PRKX: variants seen among roughly 807,000 people sequenced by gnomAD.
PRKX encodes the protein cAMP-dependent protein kinase catalytic subunit PRKX.
In PRKX, 12 loss-of-function variants were observed where a neutral mutation model predicts 22.0. The observed-to-expected ratio is 0.54, with a 90% CI of 0.35 to 0.88. The LOEUF (loss-of-function observed/expected upper bound fraction) is 0.88. Ranked by LOEUF, PRKX falls within the 40% of genes least tolerant of loss-of-function variation. The pLI, the probability that PRKX is intolerant of heterozygous loss-of-function variation, is 0.01. For missense variants in PRKX, 217 were observed against 308.0 expected (o/e 0.70, Z 2.21); for synonymous variants, 134 against 137.7 (o/e 0.97, Z 0.19).
chrX:3,685,645 C>T (rs1928163360), intron 1 of PRKX, among the ~76,000 whole-genome samples: 1 of 111,236 alleles, frequency 9.0e-6, no homozygotes, highest in African/African-American at 3.3e-5. Flanking sequence ...TTGGCAAGGA[C>T]TCCTCCCAGT....
Position 3,644,649 on chromosome X carries a change from C to T in PRKX, c.600-2678G>A, listed in dbSNP as rs149129332. Among the ~76,000 whole-genome samples the T allele has an allele frequency of 7.4e-4, 82 of 111,368 alleles. 1 individual carries two copies. Among genetic ancestry groups the T allele is most frequent in the African/African-American group, 2.3e-3 (71 of 30,657 alleles). ...CAATGCGCACTATTTTAGAAACACG[C>T]TCTCCCCTGCCCTGCCCAGCAGTTG... On this transcript the variant is annotated intron_variant, in intron 3 of 8. Transcript: ENST00000262848.
chrX:3,652,814 A>AGAGGAC (rs936309340), intron 3 of PRKX, among the ~76,000 whole-genome samples: 19 of 110,029 alleles, frequency 1.7e-4, no homozygotes, highest in African/African-American at 6.0e-4. Flanking sequence ...TCCTGATCCA[A>AGAGGAC]GAGGACTGGT....
intron 3 of PRKX, among the ~76,000 whole-genome samples, chrX:3,648,605 CCTGTGTGTGTGTGTGTGTGT>C (rs1295168375): frequency 8.7e-5 from 4 of 46,169 alleles, no homozygotes; most frequent in African/African-American, 2.8e-4. Flanking sequence ...TCTCTCTACT[CCTGTGTGTGTGTGTGTGTGT>C]GTGTGTGTGT....
chrX:3,620,716 A>G (rs1219593726), intron 6 of PRKX, among the ~76,000 whole-genome samples: 1 of 112,477 alleles, frequency 8.9e-6, no homozygotes, highest in Admixed American at 9.4e-5. Context: ...CCCTGGTGCC[A>G]AAAAGGTCGG....
intron 1 of PRKX, among the ~76,000 whole-genome samples, chrX:3,692,900 C>G (rs954743475): frequency 9.0e-6 from 1 of 111,346 alleles, no homozygotes; most frequent in African/African-American, 3.3e-5. Flanking sequence ...ACACTGAATT[C>G]TTTGATTAGG....
rs187169147 is a variant in PRKX, at chrX:3,618,797, C to T, written c.873+2462G>A. 5.4e-5 allele frequency among the ~76,000 whole-genome samples: 6 copies of T among 111,162 alleles called. No homozygotes were observed. The East Asian group carries it at 1.4e-3, about 26-fold the overall frequency. On this transcript the variant is annotated intron_variant, in intron 6 of 8. Transcript: ENST00000262848. ...GAAGGTACCTATGATGGTCACTACG[C>T]CATTCCCAGCAGATTCTAGATATGG...
In PRKX at chrX:3,648,605, CCTGTGTGTGTGTGT is replaced by C. The variant is rs1259838746; in HGVS notation, c.599+6530_599+6543del. On this transcript the variant is annotated intron_variant, in intron 3 of 8. Transcript: ENST00000262848. ...TTCAATGTGAATTACTCTCTCTACT[CCTGTGTGTGTGTGT>C]GTGTGTGTGTGTGTGTGTGTGTGTG... is the stretch of plus-strand genomic sequence containing the variant. 2.2e-4 allele frequency among the ~76,000 whole-genome samples: 10 copies of C among 46,169 alleles called. 1 individual carries two copies. Among genetic ancestry groups the C allele is most frequent in the Admixed American group, 3.4e-4 (1 of 2,954 alleles). The allele number at this position is 46,169 out of a possible 115,157, so 40.1% of individuals were successfully genotyped here. A position where few individuals can be genotyped will look rare whatever the true frequency, so the allele number is the denominator to read the frequency against.
intron 8 of PRKX, chrX:3,611,267 A>G (rs1926289929): frequency 8.9e-6 from 1 of 112,264 alleles, no homozygotes; most frequent in Admixed American, 9.5e-5. Flanking sequence ...AGCAATTGTG[A>G]CATTTGGTGT....
chrX:3,641,525 A>G (rs2146574030), intron 4 of PRKX: 1 of 213,974 alleles, frequency 4.7e-6, no homozygotes, highest in East Asian at 1.3e-4. Context: ...GTGAAAATCA[A>G]CTGAGATAAC....
intron 1 of PRKX, among the ~76,000 whole-genome samples, chrX:3,692,203 C>A (rs189135712): frequency 3.7e-5 from 4 of 109,292 alleles, no homozygotes; most frequent in Non-Finnish European, 7.6e-5. Context: ...CTAGCACTGC[C>A]GACATTTGAG....
At chrX:3,631,910 T>G (rs1427137454) in intron 4 of PRKX, among the ~76,000 whole-genome samples, 1 of 112,596 alleles carries the variant, frequency 8.9e-6, no homozygotes. Context: ...TGTTTAAACC[T>G]TTCAGTCTGT....
chrX:3,649,098 T>G (rs1413144531), intron 3 of PRKX, among the ~76,000 whole-genome samples: 3 of 111,720 alleles, frequency 2.7e-5, no homozygotes, highest in Non-Finnish European at 5.6e-5. Flanking sequence ...AAGTCAATAC[T>G]TTTCCAGCAC....
intron 4 of PRKX, among the ~76,000 whole-genome samples, chrX:3,637,120 G>A (rs1245340560): frequency 9.6e-6 from 1 of 103,891 alleles, no homozygotes; most frequent in South Asian, 4.7e-4. Context: ...GAGGGAGGGA[G>A]GAAAGGAAAG....
chrX:3,682,137 A>G (rs9698386), intron 1 of PRKX, among the ~76,000 whole-genome samples: 1,600 of 110,513 alleles, frequency 0.014, 28 homozygotes, highest in African/African-American at 0.05. Flanking sequence ...GGGGTCAGGA[A>G]GGTGACGGGA....
chrX:3,674,741 G>C lies in PRKX; in HGVS notation c.192C>G (p.His64Gln). The C allele has an allele frequency of 8.3e-7, 1 of 1,210,999 alleles. No individual in the cohort carries two copies. Among genetic ancestry groups the C allele is most frequent in the Non-Finnish European group, 1.1e-6 (1 of 894,808 alleles). Residue 64 changes from histidine (H) to glutamine (Q), a missense_variant, in exon 2 of 9, where the codon CAC becomes CAG. Coordinates refer to ENST00000262848, the MANE Select transcript of PRKX (RefSeq NM_005044.5). Reference sequence around the variant, plus strand: ...GCTTGGCTGTCTTCTCCTTCACCAGGTGCACCCGCCCGAACGTCCCAGTGC... The same window carrying C: ...GCTTGGCTGTCTTCTCCTTCACCAGCTGCACCCGCCCGAACGTCCCAGTGC... ...TVGTGTFGRV[H>Q]LVKEKTAKHF...
At chrX:3,701,015 C>G (rs1323451599) in intron 1 of PRKX, among the ~76,000 whole-genome samples, 1 of 112,077 alleles carries the variant, frequency 8.9e-6, no homozygotes, top group African/African-American at 3.2e-5. Context: ...ATTCCAGTGT[C>G]CAGGGAATAT....
At chrX:3,703,123 A>T (rs1345215455) in intron 1 of PRKX, among the ~76,000 whole-genome samples, 3 of 110,947 alleles carry the variant, frequency 2.7e-5, no homozygotes, top group Non-Finnish European at 5.7e-5. Context: ...TCTCCACCTT[A>T]TGAGAGAATG....
chrX:3,683,253 T>G (rs894269750), intron 1 of PRKX, among the ~76,000 whole-genome samples: 5 of 111,744 alleles, frequency 4.5e-5, no homozygotes, highest in African/African-American at 1.6e-4. Context: ...TTTAGCCAAG[T>G]ACATTCCCTA....
chrX:3,692,505 C>G (rs1328017488), intron 1 of PRKX, among the ~76,000 whole-genome samples: 1 of 108,674 alleles, frequency 9.2e-6, no homozygotes, highest in African/African-American at 3.3e-5. Flanking sequence ...TGAATTGAGG[C>G]TATGGAGAGT....
Sources: gnomAD v4.1 joint callset for allele counts (sites outside exome capture counted in the v4.1 genomes callset) on GRCh38, gnomAD v4.1.1 for gene constraint, MANE v1.5 for transcripts, NCBI Gene and HGNC (gene_info 2026-07-23, HGNC 2026-07-21) for gene names.